The following KCNIP4 variants were observed in gnomAD, a reference collection of about 807,000 sequenced individuals.
KCNIP4 encodes the protein potassium voltage-gated channel interacting protein 4.
In KCNIP4, 12 loss-of-function variants were observed where a neutral mutation model predicts 34.0. That is an observed-to-expected ratio of 0.35 (90% CI 0.23 to 0.57). KCNIP4 has a LOEUF of 0.57. KCNIP4 is among the 20% of genes least tolerant of loss of function. KCNIP4 has a pLI of 0.83. For synonymous variants in KCNIP4, 124 were observed against 102.2 expected (o/e 1.21, Z -1.29); for missense variants, 238 against 311.7 (o/e 0.76, Z 1.78).
chr4:21,724,741 C>A (rs907235074), intron 1 of KCNIP4, among the ~76,000 whole-genome samples: 1 of 152,018 alleles, frequency 6.6e-6, no homozygotes, highest in Non-Finnish European at 1.5e-5. Context: ...AAAGTATTAT[C>A]ATTTTGAAGT....
chr4:21,510,227 C>T (rs17467572), intron 1 of KCNIP4, among the ~76,000 whole-genome samples: 22,116 of 151,938 alleles, frequency 0.15, 1,962 homozygotes, highest in Middle Eastern at 0.2. Flanking sequence ...TCATTGGATT[C>T]CTGACTTTTA....
At chr4:21,707,932 T>TACAAACAC (rs34230503) in intron 1 of KCNIP4, among the ~76,000 whole-genome samples, 1 of 146,824 alleles carries the variant, frequency 6.8e-6, no homozygotes, top group African/African-American at 2.5e-5. Context: ...AACACACACA[T>TACAAACAC]ACACACACAC....
chr4:21,828,520 A>T (rs912453618), intron 1 of KCNIP4, among the ~76,000 whole-genome samples: 2 of 152,024 alleles, frequency 1.3e-5, no homozygotes, highest in Non-Finnish European at 2.9e-5. Flanking sequence ...TAAATTGAAA[A>T]CAATGTAAAT....
rs531286039 is a variant in KCNIP4 at position 21,207,843 on chromosome 4, C to CTTT, written c.62-325137_62-325135dup. Among the ~76,000 whole-genome samples, 17 of 115,122 alleles carry CTTT rather than the reference C, an allele frequency of 1.5e-4. 1 individual carries two copies. The highest frequency in any genetic ancestry group is 3.2e-4 in the African/African-American group (10 of 31,240). The allele number at this position is 115,122 out of a possible 152,430, so 75.5% of individuals were successfully genotyped here. On this transcript the variant is annotated intron_variant, in intron 1 of 8. Coordinates refer to ENST00000382152, the MANE Select transcript of KCNIP4 (RefSeq NM_025221.6). Reference sequence around the variant, plus strand: ...TTTTTTTTTCTCCTTTTTTCTTTTTCTTTTTTTTTTTTTTTCTGAGACATA... The same window carrying CTTT: ...TTTTTTTTTCTCCTTTTTTCTTTTTCTTTTTTTTTTTTTTTTTTCTGAGACATA...
At position 21,349,090 on chromosome 4, in the gene KCNIP4, AC is replaced by A. The variant is rs1161987950; in HGVS notation, c.62-466382del. Among the ~76,000 whole-genome samples, 13 of 152,278 alleles carry A rather than the reference AC, an allele frequency of 8.5e-5. No individual in the cohort carries two copies. The South Asian group carries it at 2.5e-3, about 29-fold the overall frequency. ...TCATAGCTAGTCTGGCTAAGTTAGA[AC>A]CTTGCCTTCACCATTTAGTAATTTA... On this transcript the variant is annotated intron_variant, in intron 1 of 8. Coordinates refer to ENST00000382152, the MANE Select transcript of KCNIP4 (RefSeq NM_025221.6).
chr4:21,438,158 G>A (rs1727124672), intron 1 of KCNIP4, among the ~76,000 whole-genome samples: 1 of 152,098 alleles, frequency 6.6e-6, no homozygotes, highest in Non-Finnish European at 1.5e-5. Context: ...AAGACAACCT[G>A]CTTATAACTA....
intron 7 of KCNIP4, 124 bp from the exon 8 acceptor site, chr4:20,732,192 T>G: frequency 1.5e-6 from 1 of 682,662 alleles, no homozygotes; most frequent in East Asian, 2.7e-5. Flanking sequence ...GTGGAGGAAC[T>G]GTTTCAGAGC....
At chr4:21,186,360 G>C (rs944313688) in intron 1 of KCNIP4, among the ~76,000 whole-genome samples, 1 of 152,132 alleles carries the variant, frequency 6.6e-6, no homozygotes, top group Non-Finnish European at 1.5e-5. Context: ...TGTGGTCATA[G>C]AACTACAGCA....
chr4:21,039,472 G>A (rs1741761789), intron 1 of KCNIP4, among the ~76,000 whole-genome samples: 1 of 151,734 alleles, frequency 6.6e-6, no homozygotes, highest in Non-Finnish European at 1.5e-5. Flanking sequence ...GTTCTCCTCT[G>A]CAAGAAACCC....
At chr4:20,859,025 T>C (rs74908318) in intron 2 of KCNIP4, among the ~76,000 whole-genome samples, 2 of 152,294 alleles carry the variant, frequency 1.3e-5, no homozygotes, top group East Asian at 1.9e-4. Context: ...TTCAAAATCC[T>C]AGGGGATAAA....
At chr4:21,921,338 T>C (rs988563079) in intron 1 of KCNIP4, among the ~76,000 whole-genome samples, 1 of 152,128 alleles carries the variant, frequency 6.6e-6, no homozygotes, top group Admixed American at 6.6e-5. Context: ...CCTCACCTTC[T>C]TCTCTTCTCT....
intron 1 of KCNIP4, among the ~76,000 whole-genome samples, chr4:21,614,502 A>T (rs1211864522): frequency 1.3e-5 from 2 of 148,344 alleles, no homozygotes; most frequent in African/African-American, 4.9e-5. Context: ...TTATATATAT[A>T]ATATATATAG....
At chr4:20,990,057 G>T (rs1039057936) in intron 1 of KCNIP4, among the ~76,000 whole-genome samples, 2 of 152,216 alleles carry the variant, frequency 1.3e-5, no homozygotes, top group Non-Finnish European at 2.9e-5. Context: ...TGGATAGTTG[G>T]TGAAAGATGC....
intron 1 of KCNIP4, among the ~76,000 whole-genome samples, chr4:21,511,488 T>C (rs1363613312): frequency 6.6e-6 from 1 of 151,790 alleles, no homozygotes; most frequent in Admixed American, 6.5e-5. Flanking sequence ...TGAAAAAGTG[T>C]ATATTTCCAA....
intron 1 of KCNIP4, among the ~76,000 whole-genome samples, chr4:21,543,296 T>C (rs961186951): frequency 3.9e-5 from 6 of 152,152 alleles, no homozygotes; most frequent in Non-Finnish European, 7.4e-5. Flanking sequence ...TTTTAGAATG[T>C]TACTCTTTTA....
chr4:20,979,617 C>T (rs1735866472), intron 1 of KCNIP4, among the ~76,000 whole-genome samples: 1 of 151,970 alleles, frequency 6.6e-6, no homozygotes, highest in Non-Finnish European at 1.5e-5. Context: ...TCAGGATGGT[C>T]TCCATCTCCT....
Position 21,287,377 on chromosome 4 carries a change from T to C in KCNIP4, c.62-404668A>G, listed in dbSNP as rs1763185740. Among the ~76,000 whole-genome samples, 3 of 152,176 alleles carry C rather than the reference T, an allele frequency of 2.0e-5. No homozygotes were observed. In the South Asian group the frequency reaches 6.2e-4, roughly 31 times the overall value. On this transcript the variant is annotated intron_variant, in intron 1 of 8. Coordinates refer to ENST00000382152, the MANE Select transcript of KCNIP4 (RefSeq NM_025221.6). Reference sequence around the variant, plus strand: ...GTACTAAACATAGGTCCATATCTCATAATTATTATGCAAAAGCAAAAGAGG... The same window carrying C: ...GTACTAAACATAGGTCCATATCTCACAATTATTATGCAAAAGCAAAAGAGG...
chr4:20,828,190 A>G (rs984880755), intron 3 of KCNIP4, among the ~76,000 whole-genome samples: 1 of 152,198 alleles, frequency 6.6e-6, no homozygotes, highest in Non-Finnish European at 1.5e-5. Context: ...GCACTTTGGG[A>G]GGCCGAGGCG....
At chr4:21,537,284 C>G (rs1157860275) in intron 1 of KCNIP4, among the ~76,000 whole-genome samples, 1 of 152,148 alleles carries the variant, frequency 6.6e-6, no homozygotes, top group Non-Finnish European at 1.5e-5. Context: ...GTATACAGTA[C>G]AAGCATACTG....
Sources: allele counts gnomAD v4.1 joint callset (sites outside exome capture counted in the v4.1 genomes callset), GRCh38; gene constraint gnomAD v4.1.1; transcripts MANE v1.5; gene names NCBI Gene and HGNC (gene_info 2026-07-23, HGNC 2026-07-21).